The following DLST variants were observed in gnomAD, a reference collection of about 807,000 sequenced individuals.
DLST encodes the protein dihydrolipoyllysine-residue succinyltransferase component of 2-oxoglutarate dehydrogenase complex, mitochondrial.
DLST carries 17 observed loss-of-function variants against 53.1 expected under a neutral mutation model. That is an observed-to-expected ratio of 0.32 (90% CI 0.22 to 0.48). DLST has a LOEUF of 0.48. Among genes scored for constraint, DLST ranks in the 20% least tolerant of loss-of-function variants. The pLI, the probability that DLST is intolerant of heterozygous loss-of-function variation, is 0.99. For missense variants in DLST, 512 were observed against 583.9 expected (o/e 0.88, Z 1.27); for synonymous variants, 206 against 204.8 (o/e 1.01, Z -0.05).
rs1555373302 is a variant in DLST, at chr14:74,890,105, AAC to A, written c.330+155_330+156del. 5.9e-3 allele frequency among the ~76,000 whole-genome samples: 891 copies of A among 151,468 alleles called. 13 individuals are homozygous for A. Among genetic ancestry groups the A allele is most frequent in the African/African-American group, 0.021 (860 of 41,160 alleles). The stretch of plus-strand genomic sequence containing the variant: ...TTGGATTTGTTCAATTTAAAAAAAA[AAC>A]AACTTTTTACATTTAACTTTTTTTT... On this transcript the variant is annotated intron_variant, in intron 6 of 14. Transcript: ENST00000334220.
chr14:74,892,698 C>A, intron 7 of DLST, 136 bp from the exon 8 acceptor site: 1 of 826,948 alleles, frequency 1.2e-6, no homozygotes, highest in Non-Finnish European at 1.9e-6. Context: ...GTGTGTGTCT[C>A]ATAGTGCTTT....
chr14:74,881,968 C>G lies in DLST; in HGVS notation c.15C>G (p.Ser5=). ...CCTCCGCCGTGATGCTGTCCCGATC[C>G]CGCTGTGTGTCTCGGGCGTTCAGCC... MLSR[S]RCVSRAFSRS... Residue 5 remains serine (S), a synonymous_variant, in exon 1 of 15, where the codon TCC becomes TCG. Coordinates refer to ENST00000334220, the MANE Select transcript of DLST (RefSeq NM_001933.5). 2 of 1,569,860 alleles carry G rather than the reference C, an allele frequency of 1.3e-6. No homozygotes were observed. Among genetic ancestry groups the G allele is most frequent in the Non-Finnish European group, 1.7e-6 (2 of 1,165,722 alleles).
In DLST at chr14:74,894,553, G is replaced by A. The variant is rs890416952; in HGVS notation, c.770+144G>A. 6.2e-6 allele frequency: 6 copies of A among 962,700 alleles called. No individual in the cohort carries two copies. In the African/African-American group the frequency reaches 1.0e-4, roughly 16 times the overall value. 59.6% of individuals were successfully genotyped at this position (962,700 alleles called of 1,614,324 possible). ...TATTGTTTTTTGTTTGTTTGTTTTTGTTTTTGTTTTTTGAGATGGAGTCTC... is the reference window on the plus strand; with the variant it reads ...TATTGTTTTTTGTTTGTTTGTTTTTATTTTTGTTTTTTGAGATGGAGTCTC... On this transcript the variant is annotated intron_variant, in intron 10 of 14. Transcript: ENST00000334220.
rs1262472353 is a variant in DLST, at chr14:74,898,472, T to A, written c.874T>A (p.Leu292Met). The change falls in exon 11 of 15, where the codon TTG becomes ATG. Residue 292 changes from leucine (L) to methionine (M), a missense_variant. By Grantham distance (15) the Leu-to-Met change is conservative. Around this residue, in one of 4 missense-constraint regions of DLST, gnomAD observed 186 missense variants for 260.4 expected, o/e 0.71. Transcript: ENST00000334220. Reference protein sequence around the residue: ...SAFVKASAFALQEQPVVNAVI... With the variant: ...SAFVKASAFAMQEQPVVNAVI... ...ATTTGTGAAGGCCTCAGCCTTTGCC[T>A]TGCAGGAACAGCCTGTTGTAAATGC... The A allele has an allele frequency of 1.9e-6, 3 of 1,614,018 alleles. No individual in the cohort carries two copies. The African/African-American group carries it at 4.0e-5, about 22-fold the overall frequency.
chr14:74,888,596 A>G (rs1883787973), intron 3 of DLST, among the ~76,000 whole-genome samples: 1 of 152,024 alleles, frequency 6.6e-6, no homozygotes, highest in African/African-American at 2.4e-5. Context: ...AGTCCCAGCT[A>G]CCCGGGAGGC....
intron 9 of DLST, 82 bp downstream of exon 9, chr14:74,893,506 C>G (rs1047445324): frequency 6.9e-7 from 1 of 1,447,588 alleles, no homozygotes; most frequent in African/African-American, 1.4e-5. Context: ...TGATGCCTAC[C>G]TTTGAATGCC....
chr14:74,889,977 A>G, intron 6 of DLST, 25 bp downstream of exon 6: 1 of 1,608,530 alleles, frequency 6.2e-7, no homozygotes, highest in Non-Finnish European at 8.5e-7. Context: ...TATTCGTACC[A>G]GCTTTTCATG....
chr14:74,882,127 A>C, intron 1 of DLST, 111 bp downstream of exon 1: 2 of 1,035,216 alleles, frequency 1.9e-6, no homozygotes, highest in Non-Finnish European at 1.3e-6. Flanking sequence ...CACCAAGGGC[A>C]CTGGGACGCG....
At position 74,902,784 on chromosome 14, in the gene DLST, C is replaced by T. The variant is rs116014759; in HGVS notation, c.*454C>T. On this transcript the variant is annotated 3_prime_UTR_variant, in exon 15 of 15. Transcript: ENST00000334220. Reference sequence around the variant, plus strand: ...GAGCAGCCTCTGTCCTGGCTGTGCACATTCTCCCTTGATTCCACTTGTGTG... The same window carrying T: ...GAGCAGCCTCTGTCCTGGCTGTGCATATTCTCCCTTGATTCCACTTGTGTG... 9.2e-3 allele frequency: 1,408 copies of T among 153,500 alleles called. 14 individuals are homozygous for T. The highest frequency in any genetic ancestry group is 0.032 in the African/African-American group (1,337 of 41,610). The allele number at this position is 153,500 out of a possible 1,614,324, so 9.5% of individuals were successfully genotyped here.
intron 1 of DLST, among the ~76,000 whole-genome samples, chr14:74,882,357 C>G (rs999186661): frequency 2.0e-5 from 3 of 152,200 alleles, no homozygotes; most frequent in African/African-American, 4.8e-5. Flanking sequence ...GCGCCCGTCT[C>G]GTCTTGCTCT....
At position 74,892,905 on chromosome 14, in the gene DLST, G is replaced by A. The variant is rs1319625211; in HGVS notation, c.514G>A (p.Ala172Thr). 1 of 1,614,008 alleles carries A rather than the reference G, an allele frequency of 6.2e-7. No homozygotes were observed. Among genetic ancestry groups the A allele is most frequent in the African/African-American group, 1.3e-5 (1 of 74,924 alleles). ...AAPKAEPTAA[A>T]VPPPAAPIPT... ...CCCAAAAGCAGAACCTACAGCAGCG[G>A]CAGTTCCTCCCCCTGCAGCACCCAT... The change falls in exon 8 of 15, where the codon GCA becomes ACA. Residue 172 changes from alanine to threonine, a missense_variant. Ala to Thr is a moderately conservative substitution (Grantham distance 58). Coordinates refer to ENST00000334220, the MANE Select transcript of DLST (RefSeq NM_001933.5).
intron 8 of DLST, 146 bp from the exon 9 acceptor site, chr14:74,893,202 A>T: frequency 9.5e-7 from 1 of 1,057,630 alleles, no homozygotes; most frequent in South Asian, 1.5e-5. Flanking sequence ...ATCTGAACAG[A>T]TTGTTCATCT....
intron 9 of DLST, among the ~76,000 whole-genome samples, chr14:74,893,716 G>A (rs4903267): frequency 3.3e-5 from 5 of 151,996 alleles, no homozygotes; most frequent in Admixed American, 6.6e-5. Flanking sequence ...ACTCACCCCC[G>A]TCCTCCCACG....
At chr14:74,894,772 C>T (rs1436093451) in intron 10 of DLST, among the ~76,000 whole-genome samples, 2 of 152,056 alleles carry the variant, frequency 1.3e-5, no homozygotes, top group African/African-American at 4.8e-5. Context: ...TGGTCTCGAT[C>T]TCCTGACCTC....
chr14:74,902,173 C>G, intron 14 of DLST, 23 bp from the exon 15 acceptor site: 1 of 1,539,128 alleles, frequency 6.5e-7, no homozygotes, highest in Non-Finnish European at 8.8e-7. Context: ...GGAGACAAAC[C>G]TATTTACCTT....
At chr14:74,890,615 A>G (rs1441296616) in intron 6 of DLST, among the ~76,000 whole-genome samples, 2 of 152,222 alleles carry the variant, frequency 1.3e-5, no homozygotes, top group African/African-American at 4.8e-5. Context: ...CACAGTAGCG[A>G]TGACTTGTTA....
chr14:74,883,736 G>C (rs1045008815), intron 2 of DLST, among the ~76,000 whole-genome samples: 7 of 152,156 alleles, frequency 4.6e-5, no homozygotes, highest in Non-Finnish European at 1.0e-4. Context: ...GAGCTTAAAA[G>C]CCTTGGCCAT....
chr14:74,902,732 A>T lies in DLST; in HGVS notation c.*402A>T, dbSNP rs1164177335. The stretch of plus-strand genomic sequence containing the variant: ...GAAAGTTTGTTCTGCAGAGACTTCT[A>T]GGAGGATGCTGTGCCTCCCAAGCTC... On this transcript the variant is annotated 3_prime_UTR_variant, in exon 15 of 15. Transcript: ENST00000334220. 1 of 155,540 alleles carries T rather than the reference A, an allele frequency of 6.4e-6. No individual in the cohort carries two copies. The highest frequency in any genetic ancestry group is 1.4e-5 in the Non-Finnish European group (1 of 70,044). 9.6% of individuals were successfully genotyped at this position (155,540 alleles called of 1,614,324 possible). A position where few individuals can be genotyped will look rare whatever the true frequency, so the allele number is the denominator to read the frequency against.
rs1172334730 is a variant in DLST, at chr14:74,903,611, AG to A, written c.*1287del. On this transcript the variant is annotated 3_prime_UTR_variant, in exon 15 of 15. Transcript: ENST00000334220. ...AAGAAGTGAGGCCTGGGGGTGGGGG[AG>A]GGGGGAAGGGGTGGGAGCCAATACT... The A allele has an allele frequency of 4.5e-5, 1 of 22,214 alleles. No individual in the cohort carries two copies. The highest frequency in any genetic ancestry group is 9.1e-5 in the Non-Finnish European group (1 of 10,936). 1.4% of individuals were successfully genotyped at this position (22,214 alleles called of 1,614,324 possible). A position where few individuals can be genotyped will look rare whatever the true frequency, so the allele number is the denominator to read the frequency against.
Sources: allele counts gnomAD v4.1 joint callset (sites outside exome capture counted in the v4.1 genomes callset), GRCh38; gene constraint gnomAD v4.1.1; regional missense constraint gnomAD v4.1.1; transcripts MANE v1.5; gene names NCBI Gene and HGNC (gene_info 2026-07-23, HGNC 2026-07-21).